Variants in PTPRD observed in about 807,000 individuals in gnomAD.
PTPRD encodes protein tyrosine phosphatase receptor type D.
In PTPRD, 34 loss-of-function variants were observed where a neutral mutation model predicts 214.5. The observed-to-expected ratio is 0.16, with a 90% CI of 0.12 to 0.21. The LOEUF (loss-of-function observed/expected upper bound fraction) is 0.21, where lower values mean the gene tolerates loss of function less well. Ranked by LOEUF, PTPRD falls within the 10% of genes least tolerant of loss-of-function variation. The pLI is 1.00. For missense variants in PTPRD, 2,545 were observed against 2,398.7 expected, an observed-to-expected ratio of 1.06 and a Z score of -1.27; for synonymous variants, 1,128 against 845.7, an observed-to-expected ratio of 1.33 and a Z score of -5.79.
At chr9:9,447,730 T>G (rs1355506404) in intron 8 of PTPRD, among the ~76,000 whole-genome samples, 1 of 152,146 alleles carries the variant, frequency 6.6e-6, no homozygotes, top group Non-Finnish European at 1.5e-5. Flanking sequence ...ATGTGTCATT[T>G]GATTACAATT....
At chr9:10,569,279 A>G (rs936720714) in intron 2 of PTPRD, among the ~76,000 whole-genome samples, 1 of 152,044 alleles carries the variant, frequency 6.6e-6, no homozygotes, top group Non-Finnish European at 1.5e-5. Context: ...CAACAGGTGC[A>G]TTATTGTTTA....
chr9:8,715,012 A>T (rs2098416137), intron 12 of PTPRD, among the ~76,000 whole-genome samples: 1 of 152,106 alleles, frequency 6.6e-6, no homozygotes, highest in Non-Finnish European at 1.5e-5. Context: ...AATATCTCTG[A>T]AATGAATGAG....
rs530982484 is a variant in PTPRD at position 8,984,678 on chromosome 9, A to T, written c.-104+34019T>A. Among the ~76,000 whole-genome samples the T allele has an allele frequency of 3.3e-5, 5 of 152,210 alleles. No homozygotes were observed. The South Asian group carries it at 1.0e-3, about 32-fold the overall frequency. ...AGTTAACCTCTCACTCTTGTCACAG[A>T]AGTCATCTGCAGCCTTGAGTTTAAC... On this transcript the variant is annotated intron_variant, in intron 11 of 45. Coordinates refer to ENST00000381196, the MANE Select transcript of PTPRD (RefSeq NM_002839.4).
chr9:9,444,786 A>T (rs1401319170), intron 8 of PTPRD, among the ~76,000 whole-genome samples: 2 of 152,108 alleles, frequency 1.3e-5, no homozygotes, highest in African/African-American at 4.8e-5. Flanking sequence ...TTATATTTTA[A>T]TTTTTGATAG....
chr9:9,324,206 G>T (rs1044856363), intron 9 of PTPRD, among the ~76,000 whole-genome samples: 1 of 152,146 alleles, frequency 6.6e-6, no homozygotes, highest in African/African-American at 2.4e-5. Flanking sequence ...TATACACGCA[G>T]TAATGGGATG....
chr9:8,969,494 A>G (rs2099222917), intron 11 of PTPRD, among the ~76,000 whole-genome samples: 1 of 152,118 alleles, frequency 6.6e-6, no homozygotes. Flanking sequence ...GTTTCATATT[A>G]TACAAGACTA....
At chr9:8,916,770 T>A (rs756476264) in intron 11 of PTPRD, among the ~76,000 whole-genome samples, 10 of 152,210 alleles carry the variant, frequency 6.6e-5, no homozygotes, top group Non-Finnish European at 1.2e-4. Flanking sequence ...TCACAACTCA[T>A]GACTTTACAT....
At chr9:8,582,566 G>T (rs971381178) in intron 14 of PTPRD, among the ~76,000 whole-genome samples, 1 of 144,482 alleles carries the variant, frequency 6.9e-6, no homozygotes, top group African/African-American at 2.5e-5. Context: ...TGATATAATA[G>T]GGAAAAAAGG....
At chr9:10,323,222 T>C (rs868555728) in intron 3 of PTPRD, among the ~76,000 whole-genome samples, 1 of 37,970 alleles carries the variant, frequency 2.6e-5, no homozygotes, top group African/African-American at 1.2e-4. Flanking sequence ...CCCCTCCCCT[T>C]CCCTTCTCTC....
At chr9:8,956,955 GAACTCT>G (rs1364103909) in intron 11 of PTPRD, among the ~76,000 whole-genome samples, 1 of 151,754 alleles carries the variant, frequency 6.6e-6, no homozygotes, top group Non-Finnish European at 1.5e-5. Flanking sequence ...CCAGGCTTGG[GAACTCT>G]TTTGACACCC....
At chr9:10,100,759 A>G (rs1022034568) in intron 3 of PTPRD, among the ~76,000 whole-genome samples, 1 of 151,712 alleles carries the variant, frequency 6.6e-6, no homozygotes, top group African/African-American at 2.4e-5. Flanking sequence ...CCTCACTGAC[A>G]TGCATTGTCT....
chr9:9,953,608 T>C (rs1371336613), intron 4 of PTPRD, among the ~76,000 whole-genome samples: 2 of 152,104 alleles, frequency 1.3e-5, no homozygotes, highest in Admixed American at 6.6e-5. Flanking sequence ...CAACACGTCA[T>C]GTAGGATCTG....
chr9:10,493,769 T>C (rs912560690), intron 2 of PTPRD, among the ~76,000 whole-genome samples: 2 of 152,002 alleles, frequency 1.3e-5, no homozygotes, highest in African/African-American at 4.8e-5. Flanking sequence ...ATATGTAACA[T>C]CTTTTCACTT....
At chr9:10,410,732 C>A (rs1416816137) in intron 2 of PTPRD, among the ~76,000 whole-genome samples, 2 of 151,726 alleles carry the variant, frequency 1.3e-5, no homozygotes, top group African/African-American at 4.8e-5. Context: ...TTTTCCCAAT[C>A]TTAACAAGTG....
intron 3 of PTPRD, among the ~76,000 whole-genome samples, chr9:10,117,105 CT>C (rs992895046): frequency 3.9e-5 from 6 of 152,038 alleles, no homozygotes; most frequent in African/African-American, 1.4e-4. Context: ...TTTGTATCTT[CT>C]TTTTTTTCCT....
intron 12 of PTPRD, chr9:8,701,566 G>A (rs923034870): frequency 1.3e-5 from 2 of 152,594 alleles, no homozygotes; most frequent in African/African-American, 2.4e-5. Context: ...GAACCTGGGA[G>A]GCGGAGGTTG....
At chr9:9,903,673 G>A (rs2076916846) in intron 5 of PTPRD, among the ~76,000 whole-genome samples, 1 of 152,054 alleles carries the variant, frequency 6.6e-6, no homozygotes, top group Non-Finnish European at 1.5e-5. Flanking sequence ...GATCTCTGTG[G>A]ACGTCCACAG....
intron 7 of PTPRD, among the ~76,000 whole-genome samples, chr9:9,655,206 T>C (rs1459985453): frequency 6.6e-6 from 1 of 152,156 alleles, no homozygotes; most frequent in Non-Finnish European, 1.5e-5. Flanking sequence ...AAGATATAGC[T>C]GATAAAAAAC....
intron 5 of PTPRD, among the ~76,000 whole-genome samples, chr9:9,925,712 G>A (rs772615107): frequency 2.0e-5 from 3 of 151,708 alleles, no homozygotes; most frequent in Non-Finnish European, 1.5e-5. Flanking sequence ...TTCTAATGTC[G>A]TGTCTCAAAA....
Sources: gnomAD v4.1 joint callset for allele counts (sites outside exome capture counted in the v4.1 genomes callset) on GRCh38, gnomAD v4.1.1 for gene constraint, MANE v1.5 for transcripts, NCBI Gene and HGNC (gene_info 2026-07-23, HGNC 2026-07-21) for gene names.